ZNF33B: variants seen among roughly 807,000 people sequenced by gnomAD.
ZNF33B encodes the protein zinc finger protein 33B.
A neutral mutation model predicts 45.8 loss-of-function variants in ZNF33B; 29 were observed. The ratio of observed to expected loss-of-function variants is 0.63; its 90% CI spans 0.47 to 0.86. ZNF33B has a LOEUF of 0.86. Ranked by LOEUF, ZNF33B falls within the 40% of genes least tolerant of loss-of-function variation. The pLI is 0.00. For missense variants in ZNF33B, 831 were observed against 909.9 expected (o/e 0.91, Z 1.12); for synonymous variants, 305 against 307.8 (o/e 0.99, Z 0.10).
intron 4 of ZNF33B, among the ~76,000 whole-genome samples, chr10:42,595,180 G>A (rs1433133297): frequency 6.6e-6 from 1 of 152,170 alleles, no homozygotes. Context: ...TACAAAGAGA[G>A]TCAGCCAGAG....
Position 42,632,422 on chromosome 10 carries a change from C to T in ZNF33B, c.27G>A (p.Gln9=), listed in dbSNP as rs756223306. The part of the protein sequence containing the change: MNKVDQKF[Q]GSVSFKDVTV... ...TCACATCTTTAAATGATACTGACCC[C>T]TGGAACTTCTGATCTACCTGAAATG... The change falls in exon 3 of 5, where the codon CAG becomes CAA. Residue 9 remains glutamine, a synonymous_variant. Coordinates refer to ENST00000359467, the MANE Select transcript of ZNF33B (RefSeq NM_006955.3). The T allele has an allele frequency of 6.2e-7, 1 of 1,613,280 alleles. No homozygotes were observed. Among genetic ancestry groups the T allele is most frequent in the Non-Finnish European group, 8.5e-7 (1 of 1,179,888 alleles).
chr10:42,594,064 C>T lies in ZNF33B; in HGVS notation c.886G>A (p.Val296Ile), dbSNP rs1198132843. ...CCACAATCATAGTGTTTCACAGGTACCCCATCATGTTTAGAAAGGGTGGAC... is the reference window on the plus strand; with the variant it reads ...CCACAATCATAGTGTTTCACAGGTATCCCATCATGTTTAGAAAGGGTGGAC... ...VKSTLSKHDG[V>I]PVKHYDCGES... Residue 296 changes from valine to isoleucine, a missense_variant, in exon 5 of 5, where the codon GTA becomes ATA. Physicochemically the swap from Val to Ile is conservative, Grantham distance 29 (BLOSUM62 3). Coordinates refer to ENST00000359467, the MANE Select transcript of ZNF33B (RefSeq NM_006955.3). 6.2e-7 allele frequency: 1 copy of T among 1,613,914 alleles called. No individual in the cohort carries two copies. Among genetic ancestry groups the T allele is most frequent in the Non-Finnish European group, 8.5e-7 (1 of 1,179,938 alleles).
intron 1 of ZNF33B, among the ~76,000 whole-genome samples, chr10:42,575,009 GTAT>G (rs1836727596): frequency 6.6e-6 from 1 of 152,080 alleles, no homozygotes; most frequent in Non-Finnish European, 1.5e-5. Context: ...TCAACCAAGG[GTAT>G]TACATGTCTC....
At chr10:42,578,072 G>A (rs1161963153) in intron 1 of ZNF33B, among the ~76,000 whole-genome samples, 1 of 99,934 alleles carries the variant, frequency 1.0e-5, no homozygotes, top group Admixed American at 1.0e-4. Flanking sequence ...GCTCTCAGCT[G>A]GGGAAATGAG....
intron 2 of ZNF33B, among the ~76,000 whole-genome samples, chr10:42,635,614 A>G (rs554820494): frequency 1.3e-4 from 19 of 151,966 alleles, no homozygotes; most frequent in African/African-American, 4.3e-4. Context: ...GACTGAGACC[A>G]GCCTGGCCAA....
chr10:42,583,001 T>G, intron 1 of ZNF33B: 1 of 718,146 alleles, frequency 1.4e-6, no homozygotes, highest in Non-Finnish European at 2.5e-6. Context: ...GAAGGTAGTT[T>G]GGAAGAAGGG....
intron 4 of ZNF33B, among the ~76,000 whole-genome samples, chr10:42,598,336 C>T (rs1837483639): frequency 6.6e-6 from 1 of 152,340 alleles, no homozygotes; most frequent in South Asian, 2.1e-4. Context: ...ACAAACCAGC[C>T]TCACGCTGTG....
At chr10:42,581,255 G>T (rs1218463497) in intron 1 of ZNF33B, among the ~76,000 whole-genome samples, 1 of 151,498 alleles carries the variant, frequency 6.6e-6, no homozygotes, top group Non-Finnish European at 1.5e-5. Context: ...GGAGGTTGAG[G>T]CAGGAGTTCG....
rs1837077665 is a variant in ZNF33B, at chr10:42,590,521, A to T, written c.*2092T>A. Reference sequence around the variant, plus strand: ...TGCCTCAGCCTCCTGAGTAGCTTGGACTATACACGCATGCCACCACGCCCG... The same window carrying T: ...TGCCTCAGCCTCCTGAGTAGCTTGGTCTATACACGCATGCCACCACGCCCG... On this transcript the variant is annotated 3_prime_UTR_variant, in exon 5 of 5. Coordinates refer to ENST00000359467, the MANE Select transcript of ZNF33B (RefSeq NM_006955.3). 6.6e-6 allele frequency: 1 copy of T among 152,202 alleles called. No individual in the cohort carries two copies. The highest frequency in any genetic ancestry group is 1.5e-5 in the Non-Finnish European group (1 of 68,044). 9.4% of individuals were successfully genotyped at this position (152,202 alleles called of 1,614,324 possible). A position where few individuals can be genotyped will look rare whatever the true frequency, so the allele number is the denominator to read the frequency against.
At chr10:42,618,143 C>G (rs1838408297) in intron 4 of ZNF33B, among the ~76,000 whole-genome samples, 1 of 152,140 alleles carries the variant, frequency 6.6e-6, no homozygotes, top group Non-Finnish European at 1.5e-5. Flanking sequence ...ATACCTAAAC[C>G]AAGCGTAGGG....
chr10:42,592,862 A>C lies in ZNF33B; in HGVS notation c.2088T>G (p.Asn696Lys). ...KHTGEKPYEC[N>K]ECGKSFSHKS... ...TGTGACTGAAGGATTTCCCACATTC[A>C]TTGCATTCATAGGGTTTCTCCCCCG... Residue 696 changes from asparagine (N) to lysine (K), a missense_variant, in exon 5 of 5, where the codon AAT becomes AAG. Coordinates refer to ENST00000359467, the MANE Select transcript of ZNF33B (RefSeq NM_006955.3). 6.2e-7 allele frequency: 1 copy of C among 1,614,136 alleles called. No homozygotes were observed.
At chr10:42,631,822 C>T (rs768547800) in intron 4 of ZNF33B, 107 bp downstream of exon 4, 9 of 897,800 alleles carry the variant, frequency 1.0e-5, no homozygotes, top group Non-Finnish European at 1.3e-5. Context: ...GTTAGGACCC[C>T]TATGGAGATG....
chr10:42,607,018 C>T (rs1837890066), intron 4 of ZNF33B, among the ~76,000 whole-genome samples: 1 of 152,058 alleles, frequency 6.6e-6, no homozygotes, highest in Non-Finnish European at 1.5e-5. Flanking sequence ...CATGTTGGCA[C>T]TCAGTTTCAG....
intron 2 of ZNF33B, among the ~76,000 whole-genome samples, chr10:42,635,418 GT>G (rs905808590): frequency 1.5e-3 from 214 of 139,856 alleles, no homozygotes; most frequent in Non-Finnish European, 2.9e-3. Context: ...GGCTGGCAAT[GT>G]TTTTTTTGAC....
At chr10:42,574,276 C>T (rs1836715107) in exon 2 of ZNF33B, 1 of 151,616 alleles carries the variant, frequency 6.6e-6, no homozygotes, top group African/African-American at 2.4e-5. Context: ...TTAAAGTGGC[C>T]TATGGAGGGC....
rs1455485289 is a variant in ZNF33B at position 42,590,830 on chromosome 10, C to T, written c.*1783G>A. 2 of 152,144 alleles carry T rather than the reference C, an allele frequency of 1.3e-5. No individual in the cohort carries two copies. The allele number at this position is 152,144 out of a possible 1,614,324, so 9.4% of individuals were successfully genotyped here. A position where few individuals can be genotyped will look rare whatever the true frequency, so the allele number is the denominator to read the frequency against. On this transcript the variant is annotated 3_prime_UTR_variant, in exon 5 of 5. Coordinates refer to ENST00000359467, the MANE Select transcript of ZNF33B (RefSeq NM_006955.3). ...TGTCTTCTGTTTTTTCTTAATCTAG[C>T]TAGAGGTTTATCAATTTTACCCACC...
chr10:42,635,429 C>T (rs1411254902), intron 2 of ZNF33B, among the ~76,000 whole-genome samples: 3 of 151,844 alleles, frequency 2.0e-5, no homozygotes, highest in Non-Finnish European at 4.4e-5. Flanking sequence ...TTTTTTTTGA[C>T]GTATGTATTC....
intron 4 of ZNF33B, among the ~76,000 whole-genome samples, chr10:42,612,095 T>TA (rs1400506687): frequency 2.6e-5 from 4 of 152,064 alleles, no homozygotes; most frequent in Non-Finnish European, 5.9e-5. Flanking sequence ...TTTTTTTTTT[T>TA]ATCAAGTTGA....
chr10:42,616,996 T>C (rs1838350408), intron 4 of ZNF33B, among the ~76,000 whole-genome samples: 1 of 150,310 alleles, frequency 6.7e-6, no homozygotes, highest in Non-Finnish European at 1.5e-5. Flanking sequence ...ACCCAGCCTG[T>C]CTATTATCTT....
Sources: allele counts gnomAD v4.1 joint callset (sites outside exome capture counted in the v4.1 genomes callset), GRCh38; gene constraint gnomAD v4.1.1; transcripts MANE v1.5; gene names NCBI Gene and HGNC (gene_info 2026-07-23, HGNC 2026-07-21).